Variants in C19orf38 observed in about 807,000 individuals in gnomAD.
C19orf38 encodes the protein chromosome 19 open reading frame 38.
C19orf38 carries 14 observed loss-of-function variants against 26.6 expected under a neutral mutation model. The observed-to-expected ratio is 0.53, with a 90% CI of 0.35 to 0.82. C19orf38 has a LOEUF of 0.82. Ranked by LOEUF, C19orf38 falls within the 40% of genes least tolerant of loss-of-function variation. C19orf38 has a pLI of 0.01. For missense variants in C19orf38, 261 were observed against 299.5 expected, an observed-to-expected ratio of 0.87 and a Z score of 0.95; for synonymous variants, 132 against 128.5, an observed-to-expected ratio of 1.03 and a Z score of -0.18.
intron 2 of C19orf38, among the ~76,000 whole-genome samples, chr19:10,851,189 G>A (rs368018639): frequency 8.5e-5 from 13 of 152,084 alleles, no homozygotes; most frequent in East Asian, 5.8e-4. Flanking sequence ...GAGTATCTGG[G>A]ATTACAGGTG....
At chr19:10,857,356 A>ATT (rs1370753782) in intron 3 of C19orf38, among the ~76,000 whole-genome samples, 11 of 80,336 alleles carry the variant, frequency 1.4e-4, no homozygotes, top group African/African-American at 1.1e-3. Context: ...ATATATATAT[A>ATT]TATATATATA....
intron 1 of C19orf38, among the ~76,000 whole-genome samples, chr19:10,842,698 C>T (rs1230951985): frequency 1.3e-5 from 2 of 152,130 alleles, no homozygotes; most frequent in Non-Finnish European, 2.9e-5. Context: ...GATTGCACTA[C>T]TGCACTCCAA....
intron 6 of C19orf38, among the ~76,000 whole-genome samples, chr19:10,868,204 C>A (rs2073771281): frequency 6.6e-6 from 1 of 152,202 alleles, no homozygotes; most frequent in Admixed American, 6.6e-5. Context: ...CTAGCTTTCC[C>A]CATTACCTTG....
upstream of C19orf38, among the ~76,000 whole-genome samples, chr19:10,844,737 A>G (rs1195446196): frequency 1.3e-5 from 2 of 150,882 alleles, no homozygotes; most frequent in African/African-American, 2.4e-5. Context: ...AGTCCCAGCT[A>G]CTCGGGAGAC....
Position 10,850,573 on chromosome 19 carries a change from G to A in C19orf38, c.340+6G>A. The A allele has an allele frequency of 6.4e-7, 1 of 1,551,128 alleles. No individual in the cohort carries two copies. The highest frequency in any genetic ancestry group is 8.7e-7 in the Non-Finnish European group (1 of 1,146,908). ...CGTGAACGTCTCCTTCCCAGGTAAGGCCCTTCTATGGGATCTCACTGCCGG... is the reference window on the plus strand; with the variant it reads ...CGTGAACGTCTCCTTCCCAGGTAAGACCCTTCTATGGGATCTCACTGCCGG... On this transcript the variant is annotated splice_donor_region_variant and intron_variant, in intron 2 of 6. Transcript: ENST00000397820.
intron 1 of C19orf38, among the ~76,000 whole-genome samples, chr19:10,838,334 T>G (rs1343995425): frequency 6.6e-6 from 1 of 152,144 alleles, no homozygotes; most frequent in African/African-American, 2.4e-5. Flanking sequence ...GGTGTGAACC[T>G]GGGAAGCGGA....
Position 10,857,366 on chromosome 19 carries a change from A to ATTTTTT in C19orf38, c.434-936_434-931dup, listed in dbSNP as rs773726753. ...TATATATATATATATATATATATAT[A>ATTTTTT]TTTTTTTTTTTTTTTTTTTAAGATG... On this transcript the variant is annotated intron_variant, in intron 3 of 6. Coordinates refer to ENST00000397820, the MANE Select transcript of C19orf38 (RefSeq NM_001136482.3). Among the ~76,000 whole-genome samples, 96 of 56,080 alleles carry ATTTTTT rather than the reference A, an allele frequency of 1.7e-3. 12 individuals carry two copies. Among genetic ancestry groups the ATTTTTT allele is most frequent in the African/African-American group, 0.013 (78 of 5,820 alleles). 36.8% of individuals were successfully genotyped at this position (56,080 alleles called of 152,430 possible). A position where few individuals can be genotyped will look rare whatever the true frequency, so the allele number is the denominator to read the frequency against.
chr19:10,867,691 C>T (rs1394762517), intron 6 of C19orf38, among the ~76,000 whole-genome samples: 5 of 122,478 alleles, frequency 4.1e-5, no homozygotes, highest in African/African-American at 1.3e-4. Flanking sequence ...CTCACTCTGT[C>T]GCCCAGACTG....
chr19:10,838,451 G>C (rs1382582985), intron 1 of C19orf38, among the ~76,000 whole-genome samples: 1 of 152,148 alleles, frequency 6.6e-6, no homozygotes, highest in Admixed American at 6.6e-5. Flanking sequence ...TAACAATTCA[G>C]TGGCATTTAG....
intron 1 of C19orf38, among the ~76,000 whole-genome samples, chr19:10,839,459 A>G (rs1280739523): frequency 6.6e-6 from 1 of 152,168 alleles, no homozygotes; most frequent in Non-Finnish European, 1.5e-5. Context: ...CTTTGCCCTC[A>G]CTGCCTGCCT....
At chr19:10,858,439 CTCCTGGTGGG>C in intron 4 of C19orf38, 96 bp downstream of exon 4, 1 of 1,212,772 alleles carries the variant, frequency 8.2e-7, no homozygotes, top group Non-Finnish European at 1.2e-6. Flanking sequence ...CAAACAGCGC[CTCCTGGTGGG>C]CATGCTGCGT....
At chr19:10,863,863 A>G (rs1339137293) in intron 6 of C19orf38, among the ~76,000 whole-genome samples, 1 of 152,138 alleles carries the variant, frequency 6.6e-6, no homozygotes, top group Non-Finnish European at 1.5e-5. Flanking sequence ...CAGTGAGCCA[A>G]GATTGAGGCA....
upstream of C19orf38, among the ~76,000 whole-genome samples, chr19:10,847,770 T>C (rs2073530153): frequency 6.6e-6 from 1 of 152,162 alleles, no homozygotes; most frequent in African/African-American, 2.4e-5. Flanking sequence ...CTAACCACCA[T>C]GTCCTCCCAC....
At chr19:10,865,516 C>A (rs1017687176) in intron 6 of C19orf38, among the ~76,000 whole-genome samples, 3 of 151,804 alleles carry the variant, frequency 2.0e-5, no homozygotes, top group African/African-American at 4.8e-5. Flanking sequence ...CCTGTAATCC[C>A]ATCACTTTAA....
At chr19:10,857,366 A>ATATATATATATATATATATATATT (rs1433358051) in intron 3 of C19orf38, among the ~76,000 whole-genome samples, 1 of 56,100 alleles carries the variant, frequency 1.8e-5, no homozygotes, top group Non-Finnish European at 2.6e-5. Context: ...ATATATATAT[A>ATATATATATATATATATATATATT]TTTTTTTTTT....
upstream of C19orf38, among the ~76,000 whole-genome samples, chr19:10,844,994 A>G (rs749015700): frequency 1.8e-5 from 2 of 112,142 alleles, no homozygotes; most frequent in Non-Finnish European, 3.8e-5. Flanking sequence ...CTTTCTCTAC[A>G]AAAAAAAAAA....
chr19:10,854,577 A>G (rs900451913), intron 2 of C19orf38, among the ~76,000 whole-genome samples: 1 of 152,132 alleles, frequency 6.6e-6, no homozygotes, highest in African/African-American at 2.4e-5. Flanking sequence ...CAAGGCTGAC[A>G]TTGTGAGAAT....
intron 4 of C19orf38, among the ~76,000 whole-genome samples, chr19:10,859,244 A>ATATG (rs1456104151): frequency 8.4e-6 from 1 of 119,392 alleles, no homozygotes; most frequent in African/African-American, 3.2e-5. Context: ...GCTTTTATAT[A>ATATG]TGTGTGTGTG....
At chr19:10,862,933 A>G (rs1042831002) in intron 5 of C19orf38, among the ~76,000 whole-genome samples, 10 of 141,034 alleles carry the variant, frequency 7.1e-5, no homozygotes, top group African/African-American at 2.6e-4. Context: ...TAAGACACCC[A>G]TTTTCCTGAG....
Sources: allele counts gnomAD v4.1 joint callset (sites outside exome capture counted in the v4.1 genomes callset), GRCh38; gene constraint gnomAD v4.1.1; transcripts MANE v1.5; gene names NCBI Gene and HGNC (gene_info 2026-07-23, HGNC 2026-07-21).